BICRA: variants seen among roughly 807,000 people sequenced by gnomAD.
BICRA encodes the protein BRD4 interacting chromatin remodeling complex associated protein.
Under a neutral mutation model 96.9 loss-of-function variants are expected in BICRA, and 31 were observed. That is an observed-to-expected ratio of 0.32 (90% CI 0.24 to 0.43). BICRA has a LOEUF of 0.43. BICRA is among the 20% of genes least tolerant of loss of function. The pLI, the probability that BICRA is intolerant of heterozygous loss-of-function variation, is 1.00. For missense variants in BICRA, 2,283 were observed against 2,190.3 expected (o/e 1.04, Z -0.84); for synonymous variants, 1,350 against 1,071.8 (o/e 1.26, Z -5.07).
At chr19:47,668,055 T>C (rs1972809063) in intron 1 of BICRA, among the ~76,000 whole-genome samples, 1 of 151,998 alleles carries the variant, frequency 6.6e-6, no homozygotes, top group Non-Finnish European at 1.5e-5. Context: ...ATAGTGAAAC[T>C]CTGTCTTTAC....
At chr19:47,647,303 A>T (rs917870232) in intron 1 of BICRA, among the ~76,000 whole-genome samples, 8 of 151,888 alleles carry the variant, frequency 5.3e-5, no homozygotes, top group Non-Finnish European at 1.0e-4. Context: ...TGGTTTCTAC[A>T]TGGGAGTGGA....
intron 1 of BICRA, among the ~76,000 whole-genome samples, chr19:47,646,544 G>C (rs1345501727): frequency 6.6e-6 from 1 of 152,168 alleles, no homozygotes; most frequent in Non-Finnish European, 1.5e-5. Flanking sequence ...GAGAATAACA[G>C]CTATTCCTGA....
intron 7 of BICRA, among the ~76,000 whole-genome samples, chr19:47,685,786 T>TGTGTGTGTGTGTGTGCGTGCGC: frequency 2.5e-5 from 3 of 117,970 alleles, no homozygotes; most frequent in South Asian, 3.0e-4. Context: ...TGTGTGTGTG[T>TGTGTGTGTGTGTGTGCGTGCGC]GCGCGCGCGC....
In BICRA at chr19:47,698,939, C is replaced by G; in HGVS notation, c.3398-26C>G. The stretch of plus-strand genomic sequence containing the variant: ...CCGCGGCCGCCCCCAACATCTCCGC[C>G]CTTGCCTCTCTTCCCTTCCTCGCAG... On this transcript the variant is annotated intron_variant, in intron 12 of 14. Transcript: ENST00000594866. The surrounding 1 kb of genome is among the most constrained non-coding windows in gnomAD (Gnocchi z 4.8). 6.5e-7 allele frequency: 1 copy of G among 1,536,442 alleles called. No homozygotes were observed. Among genetic ancestry groups the G allele is most frequent in the Non-Finnish European group, 8.9e-7 (1 of 1,129,284 alleles).
At chr19:47,695,223 G>A in intron 9 of BICRA, 142 bp from the exon 10 acceptor site, 1 of 766,180 alleles carries the variant, frequency 1.3e-6, no homozygotes, top group South Asian at 1.7e-5. Flanking sequence ...AGGAAGGCCA[G>A]AGGTGGCAGG....
At chr19:47,671,683 A>G (rs1972863317) in intron 2 of BICRA, among the ~76,000 whole-genome samples, 1 of 147,936 alleles carries the variant, frequency 6.8e-6, no homozygotes, top group African/African-American at 2.5e-5. Context: ...GGGTAGGTAG[A>G]CGGGTAGAAG....
In BICRA at chr19:47,694,194, G is replaced by GCCC; in HGVS notation, c.2366_2368dup (p.Pro789dup). ...CCTCACCAGGCCCCTCTGGGGGACAGCCCCCACCTGCCCTCCCCACACCCC... is the reference window on the plus strand; with the variant it reads ...CCTCACCAGGCCCCTCTGGGGGACAGCCCCCCCCACCTGCCCTCCCCACACCCC... On this transcript the variant is annotated inframe_insertion, in exon 8 of 15. Transcript: ENST00000594866. 1 of 1,426,660 alleles carries GCCC rather than the reference G, an allele frequency of 7.0e-7. No homozygotes were observed. The highest frequency in any genetic ancestry group is 9.4e-7 in the Non-Finnish European group (1 of 1,066,758). The allele number at this position is 1,426,660 out of a possible 1,614,324, so 88.4% of individuals were successfully genotyped here. A position where few individuals can be genotyped will look rare whatever the true frequency, so the allele number is the denominator to read the frequency against.
intron 7 of BICRA, among the ~76,000 whole-genome samples, chr19:47,686,476 C>T (rs1411610938): frequency 1.3e-5 from 2 of 152,024 alleles, no homozygotes; most frequent in African/African-American, 2.4e-5. Flanking sequence ...CTCCACCTCC[C>T]AGGTTCAAGC....
intron 2 of BICRA, among the ~76,000 whole-genome samples, chr19:47,671,367 G>A (rs144271124): frequency 3.9e-5 from 6 of 152,226 alleles, no homozygotes; most frequent in African/African-American, 1.4e-4. Flanking sequence ...ATGGTGACCC[G>A]TGGCAGTTGT....
chr19:47,680,986 G>T lies in BICRA; in HGVS notation c.1816G>T (p.Ala606Ser). 2 of 1,463,428 alleles carry T rather than the reference G, an allele frequency of 1.4e-6. No individual in the cohort carries two copies. The highest frequency in any genetic ancestry group is 2.6e-5 in the Admixed American group (1 of 39,202). The allele number at this position is 1,463,428 out of a possible 1,614,324, so 90.7% of individuals were successfully genotyped here. A position where few individuals can be genotyped will look rare whatever the true frequency, so the allele number is the denominator to read the frequency against. Residue 606 changes from alanine to serine, a missense_variant, in exon 6 of 15, where the codon GCC becomes TCC. By Grantham distance (99) the Ala-to-Ser change is moderately conservative. Coordinates refer to ENST00000594866, the MANE Select transcript of BICRA (RefSeq NM_001394372.1). Reference sequence around the variant, plus strand: ...CACCCCCGACGGCCTGGTGCAGCCGGCCACCCCTGCCGCTGCCACCGGGGA... The same window carrying T: ...CACCCCCGACGGCCTGGTGCAGCCGTCCACCCCTGCCGCTGCCACCGGGGA... ...LNTPDGLVQP[A>S]TPAAATGEAA...
At position 47,694,982 on chromosome 19, in the gene BICRA, C is replaced by G; in HGVS notation, c.2978C>G (p.Thr993Ser). The G allele has an allele frequency of 3.9e-6, 6 of 1,552,924 alleles. No individual in the cohort carries two copies. The highest frequency in any genetic ancestry group is 5.2e-6 in the Non-Finnish European group (6 of 1,157,206). ...PQTSTSLGPL[T>S]SPAASVLVSG... ...ACCTCCACCAGCCTGGGGCCCCTCA[C>G]CAGCCCCGCTGCGTCTGTGCTGGTC... is the stretch of plus-strand genomic sequence containing the variant. Residue 993 changes from threonine to serine, a missense_variant, in exon 9 of 15, where the codon ACC (threonine) becomes AGC (serine). Thr to Ser is a moderately conservative substitution (Grantham distance 58, BLOSUM62 1). Coordinates refer to ENST00000594866, the MANE Select transcript of BICRA (RefSeq NM_001394372.1).
At chr19:47,628,560 G>C (rs41374344) in intron 1 of BICRA, among the ~76,000 whole-genome samples, 41,315 of 152,112 alleles carry the variant, frequency 0.27, 5,936 homozygotes, top group Non-Finnish European at 0.32. Flanking sequence ...ATAACACGAC[G>C]AAAGTCTTTG....
In BICRA at chr19:47,621,837, G is replaced by A. The variant is rs565305734; in HGVS notation, c.-108+12669G>A. On this transcript the variant is annotated intron_variant, in intron 1 of 14. Transcript: ENST00000594866. ...GATGGAGCCTTGCTCTGTCGCCCAGGCTGGAGTGCAATAGTGCGATCTTGG... is the reference window on the plus strand; with the variant it reads ...GATGGAGCCTTGCTCTGTCGCCCAGACTGGAGTGCAATAGTGCGATCTTGG... Among the ~76,000 whole-genome samples, 24 of 151,654 alleles carry A rather than the reference G, an allele frequency of 1.6e-4. 1 individual carries two copies. In the South Asian group the frequency reaches 5.0e-3, roughly 32 times the overall value.
chr19:47,667,094 C>T (rs1428268859), intron 1 of BICRA, among the ~76,000 whole-genome samples: 1 of 151,474 alleles, frequency 6.6e-6, no homozygotes, highest in African/African-American at 2.4e-5. Context: ...TCTCGGCTCA[C>T]TGCAACCTCC....
At position 47,679,835 on chromosome 19, in the gene BICRA, C is replaced by T; in HGVS notation, c.665C>T (p.Pro222Leu). Reference protein sequence around the residue: ...PGLQGLPNGSPGGATAATLGL... With the variant: ...PGLQGLPNGSLGGATAATLGL... ...CTCCAAGGCCTGCCCAATGGCAGCC[C>T]TGGGGGTGCCACGGCGGCCACACTG... is the stretch of plus-strand genomic sequence containing the variant. The change falls in exon 6 of 15, where the codon CCT becomes CTT. Residue 222 changes from proline to leucine, a missense_variant. Transcript: ENST00000594866. The T allele has an allele frequency of 2.7e-6, 4 of 1,490,312 alleles. No homozygotes were observed. The highest frequency in any genetic ancestry group is 3.6e-6 in the Non-Finnish European group (4 of 1,125,380). The allele number at this position is 1,490,312 out of a possible 1,614,324, so 92.3% of individuals were successfully genotyped here. A position where few individuals can be genotyped will look rare whatever the true frequency, so the allele number is the denominator to read the frequency against.
At chr19:47,677,621 G>A (rs953930925) in intron 5 of BICRA, among the ~76,000 whole-genome samples, 30 of 152,182 alleles carry the variant, frequency 2.0e-4, no homozygotes, top group African/African-American at 4.8e-4. Flanking sequence ...GCTTGAACTC[G>A]TGGGCGGAGA....
At position 47,694,510 on chromosome 19, in the gene BICRA, G is replaced by A; in HGVS notation, c.2679G>A (p.Glu893=). The A allele has an allele frequency of 6.3e-7, 1 of 1,597,440 alleles. No individual in the cohort carries two copies. Among genetic ancestry groups the A allele is most frequent in the Non-Finnish European group, 8.5e-7 (1 of 1,174,066 alleles). Reference sequence around the variant, plus strand: ...CCTCTGCTGTGGCCTCCTCCTCTGAGACGTCCTCCAGGTTGCCAGCCCCTA... The same window carrying A: ...CCTCTGCTGTGGCCTCCTCCTCTGAAACGTCCTCCAGGTTGCCAGCCCCTA... ...STSSAVASSS[E]TSSRLPAPTP... The change falls in exon 8 of 15, where the codon GAG becomes GAA. Residue 893 remains glutamate (E), a synonymous_variant. Transcript: ENST00000594866.
chr19:47,701,725 C>G lies in BICRA; in HGVS notation c.3993C>G (p.His1331Gln). ...VVHNTALDPV[H>Q]QPPPPPATLK... ...ACAACACGGCCCTGGACCCCGTGCA[C>G]CAGCCCCCGCCACCCCCCGCTACCC... Residue 1331 changes from histidine (H) to glutamine (Q), a missense_variant, in exon 15 of 15, where the codon CAC becomes CAG. Coordinates refer to ENST00000594866, the MANE Select transcript of BICRA (RefSeq NM_001394372.1). The surrounding 1 kb of genome is among the most constrained non-coding windows in gnomAD (Gnocchi z 5.4). 1 of 1,575,642 alleles carries G rather than the reference C, an allele frequency of 6.3e-7. No homozygotes were observed. Among genetic ancestry groups the G allele is most frequent in the Non-Finnish European group, 8.6e-7 (1 of 1,160,916 alleles).
chr19:47,624,422 GTGGATACAAAAGTT>G (rs1972110112), intron 1 of BICRA, among the ~76,000 whole-genome samples: 1 of 152,180 alleles, frequency 6.6e-6, no homozygotes. Flanking sequence ...TGATTCTCCA[GTGGATACAAAAGTT>G]ACGTTTATAC....
Sources: gnomAD v4.1 joint callset for allele counts (sites outside exome capture counted in the v4.1 genomes callset) on GRCh38, gnomAD v4.1.1 for gene constraint, Gnocchi (gnomAD v3.1) non-coding constraint, MANE v1.5 for transcripts, NCBI Gene and HGNC (gene_info 2026-07-23, HGNC 2026-07-21) for gene names.